Variants in SPTBN5 observed in about 807,000 individuals in gnomAD.
SPTBN5 encodes the protein spectrin beta chain, non-erythrocytic 5.
SPTBN5 carries 513 observed loss-of-function variants against 477.6 expected under a neutral mutation model. The ratio of observed to expected loss-of-function variants is 1.07; its 90% CI spans 1.00 to 1.16. The LOEUF is 1.16. Among genes scored for constraint, SPTBN5 ranks in the 50% most tolerant of loss-of-function variants. The probability of loss-of-function intolerance (pLI) is 0.00; values close to 1 mark genes in which losing one functional copy is unlikely to be tolerated. For missense variants in SPTBN5, 5,062 were observed against 4,731.8 expected, an observed-to-expected ratio of 1.07 and a Z score of -2.05; for synonymous variants, 2,169 against 2,011.7, an observed-to-expected ratio of 1.08 and a Z score of -2.09.
chr15:41,855,253 C>G lies in SPTBN5; in HGVS notation c.9394G>C (p.Asp3132His). Residue 3132 changes from aspartate to histidine, a missense_variant, in exon 55 of 68, where the codon GAC (aspartate) becomes CAC (histidine). By Grantham distance (81) the Asp-to-His change is moderately conservative. Transcript: ENST00000320955. ...TTKAATAESQ[D>H]YGQDLEGVKV... ...ACACCCTCCAGGTCCTGCCCGTAGT[C>G]CTGGGACTCGGCGGTGGCCGCCTTG... The G allele has an allele frequency of 6.2e-7, 1 of 1,612,492 alleles. No homozygotes were observed. Among genetic ancestry groups the G allele is most frequent in the Non-Finnish European group, 8.5e-7 (1 of 1,179,620 alleles).
chr15:41,879,388 G>A lies in SPTBN5; in HGVS notation c.3054C>T (p.Asp1018=), dbSNP rs773487782. Residue 1018 remains aspartate, a synonymous_variant, in exon 16 of 68, where the codon GAC becomes GAT. Transcript: ENST00000320955. ...GCAGGGCCTCCAGCTGGAGGAGCAC[G>A]TCTCGCAGCTGGACCTGTGTGGGTC... ...ECGPTQVQLR[D]VLLQLEALQP... is the part of the protein sequence containing the mutation. 2.0e-5 allele frequency: 33 copies of A among 1,610,580 alleles called. No homozygotes were observed. The highest frequency in any genetic ancestry group is 2.5e-5 in the Non-Finnish European group (30 of 1,179,870).
rs1016091650 is a variant in SPTBN5 at position 41,863,645 on chromosome 15, C to G, written c.7149+59G>C. ...GACGCATGGGAGACTCTAGGCAGTGCCCCCTCCCCTGACTGCATTTGCTCA... is the reference window on the plus strand; with the variant it reads ...GACGCATGGGAGACTCTAGGCAGTGGCCCCTCCCCTGACTGCATTTGCTCA... On this transcript the variant is annotated intron_variant, in intron 41 of 67. Coordinates refer to ENST00000320955, the MANE Select transcript of SPTBN5 (RefSeq NM_016642.4). 3.7e-6 allele frequency: 5 copies of G among 1,368,300 alleles called. No homozygotes were observed. The South Asian group carries it at 6.0e-5, about 16-fold the overall frequency. 84.8% of individuals were successfully genotyped at this position (1,368,300 alleles called of 1,614,324 possible).
chr15:41,851,035 C>A (rs376462585), intron 65 of SPTBN5, 24 bp downstream of exon 65: 1 of 1,605,152 alleles, frequency 6.2e-7, no homozygotes, highest in Admixed American at 1.7e-5. Flanking sequence ...GGGGTGATGC[C>A]GGAGTCCATG....
chr15:41,863,689 C>T lies in SPTBN5; in HGVS notation c.7149+15G>A. On this transcript the variant is annotated intron_variant, in intron 41 of 67. Transcript: ENST00000320955. Reference sequence around the variant, plus strand: ...TTGCTCACAGCCCCCACCGGGACCTCTTTCCACCACGTACCTTCTCCTGAA... The same window carrying T: ...TTGCTCACAGCCCCCACCGGGACCTTTTTCCACCACGTACCTTCTCCTGAA... 1.2e-6 allele frequency: 2 copies of T among 1,608,886 alleles called. No individual in the cohort carries two copies. The highest frequency in any genetic ancestry group is 1.7e-6 in the Non-Finnish European group (2 of 1,176,168).
chr15:41,868,808 CT>C (rs1027603364), intron 32 of SPTBN5, among the ~76,000 whole-genome samples: 4 of 152,182 alleles, frequency 2.6e-5, no homozygotes, highest in Non-Finnish European at 5.9e-5. Context: ...CACGAACCCC[CT>C]ACATGAGCCA....
chr15:41,860,631 G>A lies in SPTBN5; in HGVS notation c.7943C>T (p.Pro2648Leu). 2.0e-6 allele frequency: 3 copies of A among 1,527,178 alleles called. No homozygotes were observed. Among genetic ancestry groups the A allele is most frequent in the Non-Finnish European group, 2.6e-6 (3 of 1,135,778 alleles). The allele number at this position is 1,527,178 out of a possible 1,614,324, so 94.6% of individuals were successfully genotyped here. ...TARGLHQGGH[P>L]EAQSALGRCQ... Reference sequence around the variant, plus strand: ...CCTGCCCAGGGCACTCTGGGCCTCGGGGTGCCCACCCTGGTGCAGGCCGCG... The same window carrying A: ...CCTGCCCAGGGCACTCTGGGCCTCGAGGTGCCCACCCTGGTGCAGGCCGCG... The change falls in exon 47 of 68, where the codon CCC (proline) becomes CTC (leucine). Residue 2648 changes from proline (P) to leucine (L), a missense_variant. Pro to Leu is a moderately conservative substitution (Grantham distance 98). Transcript: ENST00000320955.
intron 14 of SPTBN5, 133 bp from the exon 15 acceptor site, chr15:41,879,997 A>C: frequency 7.0e-7 from 1 of 1,432,678 alleles, no homozygotes; most frequent in South Asian, 1.4e-5. Context: ...AAAGACAGCC[A>C]TCCGAGTCCT....
intron 26 of SPTBN5, 76 bp from the exon 27 acceptor site, chr15:41,872,535 A>G: frequency 6.8e-7 from 1 of 1,460,456 alleles, no homozygotes; most frequent in Non-Finnish European, 9.2e-7. Context: ...CCACCCATCC[A>G]GTCACCAATC....
Position 41,878,556 on chromosome 15 carries a change from G to C in SPTBN5, c.3256C>G (p.Gln1086Glu). ...CGTTGGGCCACTTGTTCCTGTACTT[G>C]CTTCAGCAGCCCCTGCAGTGTCTCC... is the stretch of plus-strand genomic sequence containing the variant. The part of the protein sequence containing the change: ...QVETLQGLLK[Q>E]VQEQVAQRAR... The change falls in exon 17 of 68, where the codon CAA becomes GAA. Residue 1086 changes from glutamine (Q) to glutamate (E), a missense_variant. By Grantham distance (29) the Gln-to-Glu change is conservative (BLOSUM62 2). Coordinates refer to ENST00000320955, the MANE Select transcript of SPTBN5 (RefSeq NM_016642.4). 3 of 1,612,850 alleles carry C rather than the reference G, an allele frequency of 1.9e-6. No homozygotes were observed. The highest frequency in any genetic ancestry group is 2.5e-6 in the Non-Finnish European group (3 of 1,179,728).
chr15:41,862,754 G>C, intron 42 of SPTBN5, 36 bp downstream of exon 42: 1 of 1,548,448 alleles, frequency 6.5e-7, no homozygotes, highest in African/African-American at 1.4e-5. Context: ...CTACTCAGGA[G>C]ATGCCCTGGG....
rs770915574 is a variant in SPTBN5 at position 41,849,982 on chromosome 15, C to T, written c.10922-23G>A. The stretch of plus-strand genomic sequence containing the variant: ...GGGCTGCAGAGCAAGGGAATAACCA[C>T]TGTTAGCCCGGCCCAGACCATCTGC... On this transcript the variant is annotated intron_variant, in intron 66 of 67. Coordinates refer to ENST00000320955, the MANE Select transcript of SPTBN5 (RefSeq NM_016642.4). The T allele has an allele frequency of 1.1e-5, 17 of 1,558,566 alleles. No individual in the cohort carries two copies. In the East Asian group the frequency reaches 3.6e-4, roughly 33 times the overall value.
Position 41,855,393 on chromosome 15 carries a change from T to C in SPTBN5, c.9254A>G (p.Glu3085Gly). Residue 3085 changes from glutamate to glycine, a missense_variant, in exon 55 of 68, where the codon GAG becomes GGG. Physicochemically the swap from Glu to Gly is moderately conservative, Grantham distance 98 (BLOSUM62 -2). Coordinates refer to ENST00000320955, the MANE Select transcript of SPTBN5 (RefSeq NM_016642.4). ...KVLAQLQAVR[E>G]AHAELLRRAE... Reference sequence around the variant, plus strand: ...CCTCCGCAGCAGCTCTGCGTGGGCCTCCCGAACTGCCTGCAGCTGGGCTAG... The same window carrying C: ...CCTCCGCAGCAGCTCTGCGTGGGCCCCCCGAACTGCCTGCAGCTGGGCTAG... 1 of 1,604,112 alleles carries C rather than the reference T, an allele frequency of 6.2e-7. No homozygotes were observed. The highest frequency in any genetic ancestry group is 1.1e-5 in the South Asian group (1 of 90,982).
At position 41,856,850 on chromosome 15, in the gene SPTBN5, C is replaced by A. The variant is rs1018405092; in HGVS notation, c.8808+3G>T. On this transcript the variant is annotated splice_donor_region_variant and intron_variant, in intron 52 of 67. Coordinates refer to ENST00000320955, the MANE Select transcript of SPTBN5 (RefSeq NM_016642.4). ...GGCCAGCCCTCCCCGGGTGGGCCCA[C>A]ACCTGGTGCTGCTCCTGCAGGTGCC... is the stretch of plus-strand genomic sequence containing the variant. 6.5e-7 allele frequency: 1 copy of A among 1,544,148 alleles called. No individual in the cohort carries two copies. The highest frequency in any genetic ancestry group is 8.8e-7 in the Non-Finnish European group (1 of 1,142,212).
At chr15:41,857,781 G>A (rs1157221445) in intron 49 of SPTBN5, 71 bp from the exon 50 acceptor site, 2 of 1,496,460 alleles carry the variant, frequency 1.3e-6, no homozygotes, top group Non-Finnish European at 1.8e-6. Context: ...TGTTGACTCT[G>A]ACCACCAGCA....
At chr15:41,874,645 G>A (rs2066660459) in intron 23 of SPTBN5, among the ~76,000 whole-genome samples, 167 bp from the exon 24 acceptor site, 1 of 152,246 alleles carries the variant, frequency 6.6e-6, no homozygotes, top group Admixed American at 6.5e-5. Flanking sequence ...CCCACCTCAT[G>A]GCCTAGATGA....
rs757671548 is a variant in SPTBN5, at chr15:41,860,629, C to T, written c.7945G>A (p.Glu2649Lys). The change falls in exon 47 of 68, where the codon GAG becomes AAG. Residue 2649 changes from glutamate (E) to lysine (K), a missense_variant. Transcript: ENST00000320955. The part of the protein sequence containing the change: ...ARGLHQGGHP[E>K]AQSALGRCQA... ...CACCTGCCCAGGGCACTCTGGGCCTCGGGGTGCCCACCCTGGTGCAGGCCG... is the reference window on the plus strand; with the variant it reads ...CACCTGCCCAGGGCACTCTGGGCCTTGGGGTGCCCACCCTGGTGCAGGCCG... 2.5e-4 allele frequency: 388 copies of T among 1,525,582 alleles called. No homozygotes were observed. Among genetic ancestry groups the T allele is most frequent in the African/African-American group, 3.1e-4 (22 of 72,042 alleles). 94.5% of individuals were successfully genotyped at this position (1,525,582 alleles called of 1,614,324 possible).
chr15:41,855,914 A>G (rs1230766791), intron 53 of SPTBN5, among the ~76,000 whole-genome samples, 169 bp from the exon 54 acceptor site: 2 of 152,348 alleles, frequency 1.3e-5, no homozygotes, highest in Admixed American at 6.5e-5. Flanking sequence ...ACACAGCCAG[A>G]GCGGCAGTGT....
intron 33 of SPTBN5, 67 bp downstream of exon 33, chr15:41,868,331 G>A: frequency 6.4e-7 from 1 of 1,563,612 alleles, no homozygotes; most frequent in East Asian, 2.3e-5. Context: ...GTAGGACGGG[G>A]CACCAGGTGG....
intron 13 of SPTBN5, 62 bp from the exon 14 acceptor site, chr15:41,880,374 G>C: frequency 6.8e-7 from 1 of 1,481,220 alleles, no homozygotes. Flanking sequence ...CTCTCAGAGC[G>C]GGTCAAAGGG....
Sources: gnomAD v4.1 joint callset for allele counts (sites outside exome capture counted in the v4.1 genomes callset) on GRCh38, gnomAD v4.1.1 for gene constraint, MANE v1.5 for transcripts, NCBI Gene and HGNC (gene_info 2026-07-23, HGNC 2026-07-21) for gene names.